GCNT1: variants seen among roughly 807,000 people sequenced by gnomAD.
The protein encoded by GCNT1 is beta-1,3-galactosyl-O-glycosyl-glycoprotein beta-1,6-N-acetylglucosaminyltransferase.
In GCNT1, 16 loss-of-function variants were observed where a neutral mutation model predicts 26.2. That is an observed-to-expected ratio of 0.61 (90% confidence interval 0.41 to 0.93). GCNT1 has a LOEUF of 0.93. GCNT1 is among the 40% of genes least tolerant of loss of function. The probability of loss-of-function intolerance (pLI) is 0.00; values close to 1 mark genes in which losing one functional copy is unlikely to be tolerated. For missense variants in GCNT1, 477 were observed against 526.7 expected (o/e 0.91, Z 0.92); for synonymous variants, 183 against 190.8 (o/e 0.96, Z 0.34).
At position 76,487,187 on chromosome 9, in the gene GCNT1, A is replaced by T. The variant is rs539611143; in HGVS notation, c.-289-13729A>T. Among the ~76,000 whole-genome samples the T allele has an allele frequency of 1.4e-4, 21 of 152,284 alleles. No individual in the cohort carries two copies. In the South Asian group the frequency reaches 4.4e-3, roughly 32 times the overall value. ...ATTGGCCAGAAAGAACTCCACCCTG[A>T]ATGGCAAGGCCTTCGCCTTGTGATC... On this transcript the variant is annotated intron_variant, in intron 2 of 3. Coordinates refer to ENST00000376730, the MANE Select transcript of GCNT1 (RefSeq NM_001490.5).
At chr9:76,501,252 T>C (rs1435941315) in intron 3 of GCNT1, among the ~76,000 whole-genome samples, 191 bp downstream of exon 3, 1 of 152,186 alleles carries the variant, frequency 6.6e-6, no homozygotes, top group East Asian at 1.9e-4. Flanking sequence ...TTGGTAGTAC[T>C]TGACTTTCTT....
At chr9:76,501,202 C>A (rs1825056182) in intron 3 of GCNT1, 141 bp downstream of exon 3, 1 of 152,158 alleles carries the variant, frequency 6.6e-6, no homozygotes, top group Non-Finnish European at 1.5e-5. Context: ...CGTGTCAAAT[C>A]TCTAGAAATC....
At chr9:76,434,468 C>A (rs528709650) in intron 1 of GCNT1, among the ~76,000 whole-genome samples, 1 of 152,336 alleles carries the variant, frequency 6.6e-6, no homozygotes, top group Non-Finnish European at 1.5e-5. Context: ...TCTTTAATCT[C>A]TTAATCCTGT....
At chr9:76,498,698 G>A (rs543036946) in intron 2 of GCNT1, among the ~76,000 whole-genome samples, 60 of 151,652 alleles carry the variant, frequency 4.0e-4, no homozygotes, top group African/African-American at 1.3e-3. Flanking sequence ...GCTTGAACCC[G>A]GGAGCCAGAG....
chr9:76,398,651 A>G, the GCNT1 span: 2 of 982,974 alleles, frequency 2.0e-6, no homozygotes, highest in Middle Eastern at 2.8e-4. Context: ...AGGGGCCCAT[A>G]CGGCGTTGTT....
chr9:76,453,422 T>C (rs1210117372), intron 1 of GCNT1, among the ~76,000 whole-genome samples: 1 of 152,202 alleles, frequency 6.6e-6, no homozygotes, highest in Non-Finnish European at 1.5e-5. Context: ...GGAGATCTCA[T>C]GTTTCCCAAA....
intron 2 of GCNT1, among the ~76,000 whole-genome samples, chr9:76,473,227 A>G (rs1824179204): frequency 1.3e-5 from 2 of 152,178 alleles, no homozygotes; most frequent in Non-Finnish European, 1.5e-5. Context: ...TTCTAACTAT[A>G]TTGACCAAGC....
upstream of GCNT1, among the ~76,000 whole-genome samples, chr9:76,458,558 G>A (rs1823801230): frequency 6.6e-6 from 1 of 152,140 alleles, no homozygotes; most frequent in African/African-American, 2.4e-5. Context: ...AACGAAAGAA[G>A]ACACAGACAC....
chr9:76,407,702 T>C, the GCNT1 span, among the ~76,000 whole-genome samples: 1 of 152,220 alleles, frequency 6.6e-6, no homozygotes, highest in Non-Finnish European at 1.5e-5. Context: ...TAGATCGCAT[T>C]GAGAAGAACG....
chr9:76,405,520 A>T, the GCNT1 span, among the ~76,000 whole-genome samples: 1 of 152,334 alleles, frequency 6.6e-6, no homozygotes, highest in Middle Eastern at 3.4e-3. Context: ...TCACTGTCAT[A>T]AAAATCCTCT....
rs143541160 is a variant in GCNT1 at position 76,442,582 on chromosome 9, G to C, written c.-290+267G>C. 2.8e-3 allele frequency among the ~76,000 whole-genome samples: 421 copies of C among 152,282 alleles called. 2 individuals are homozygous for C. Among genetic ancestry groups the C allele is most frequent in the African/African-American group, 9.8e-3 (408 of 41,572 alleles). Reference sequence around the variant, plus strand: ...TGTAATCCCAGCTACTTGGGAGGCTGAGGCAGGAGAACCACTTGAACCCGT... The same window carrying C: ...TGTAATCCCAGCTACTTGGGAGGCTCAGGCAGGAGAACCACTTGAACCCGT... On this transcript the variant is annotated intron_variant, in intron 1 of 2. Transcript: ENST00000442371.
chr9:76,485,435 A>G (rs1054528626), intron 2 of GCNT1, among the ~76,000 whole-genome samples: 5 of 152,148 alleles, frequency 3.3e-5, no homozygotes. Context: ...CGGCCTCCCA[A>G]AGTGCTGGGA....
intron 1 of GCNT1, among the ~76,000 whole-genome samples, chr9:76,430,560 T>A (rs1256913186): frequency 6.6e-6 from 1 of 152,138 alleles, no homozygotes; most frequent in African/African-American, 2.4e-5. Flanking sequence ...TTTTTTTTTT[T>A]ATTTTGGTAG....
intron 1 of GCNT1, among the ~76,000 whole-genome samples, chr9:76,453,262 G>A (rs947036563): frequency 6.6e-6 from 1 of 152,222 alleles, no homozygotes; most frequent in Non-Finnish European, 1.5e-5. Flanking sequence ...AGGAGCTGGA[G>A]TGGGTAGGAA....
chr9:76,451,065 C>T (rs1823657730), intron 1 of GCNT1, among the ~76,000 whole-genome samples: 1 of 152,060 alleles, frequency 6.6e-6, no homozygotes, highest in Non-Finnish European at 1.5e-5. Context: ...TCTTTTTTTC[C>T]TGGACAGTAC....
Position 76,442,842 on chromosome 9 carries a change from T to A in GCNT1, c.-290+527T>A, listed in dbSNP as rs76162567. On this transcript the variant is annotated intron_variant, in intron 1 of 2. Coordinates refer to the GCNT1 transcript ENST00000442371. Reference sequence around the variant, plus strand: ...ATTTATTCATCAAATATTATTGAGCTCCTCCTACTTTGAGCCAAGCACTTT... The same window carrying A: ...ATTTATTCATCAAATATTATTGAGCACCTCCTACTTTGAGCCAAGCACTTT... Among the ~76,000 whole-genome samples, 5 of 135,766 alleles carry A rather than the reference T, an allele frequency of 3.7e-5. No individual in the cohort carries two copies. In the East Asian group the frequency reaches 1.0e-3, roughly 27 times the overall value. 89.1% of individuals were successfully genotyped at this position (135,766 alleles called of 152,430 possible).
At chr9:76,456,898 G>A (rs1823766022), upstream of GCNT1, among the ~76,000 whole-genome samples, 3 of 152,310 alleles carry the variant, frequency 2.0e-5, no homozygotes, top group South Asian at 6.2e-4. Context: ...CACCTGAGCA[G>A]GGGTAAGTTG....
At chr9:76,396,325 T>TA in the GCNT1 span, among the ~76,000 whole-genome samples, 4 of 152,180 alleles carry the variant, frequency 2.6e-5, no homozygotes, top group Non-Finnish European at 5.9e-5. Context: ...CATGGTGGCT[T>TA]ACGCCTGTAA....
At chr9:76,484,262 A>G (rs927338139) in intron 2 of GCNT1, among the ~76,000 whole-genome samples, 1 of 152,060 alleles carries the variant, frequency 6.6e-6, no homozygotes, top group Non-Finnish European at 1.5e-5. Context: ...CTGTGGTTGC[A>G]GCTACTTGAG....
Sources: gnomAD v4.1 joint callset for allele counts (sites outside exome capture counted in the v4.1 genomes callset) on GRCh38, gnomAD v4.1.1 for gene constraint, MANE v1.5 for transcripts, NCBI Gene and HGNC (gene_info 2026-07-23, HGNC 2026-07-21) for gene names.